NCAM2: variants seen among roughly 807,000 people sequenced by gnomAD.
NCAM2 encodes neural cell adhesion molecule 2, also known as N-CAM-2.
In NCAM2, 30 loss-of-function variants were observed where a neutral mutation model predicts 98.1. The ratio of observed to expected loss-of-function variants is 0.31; its 90% CI spans 0.23 to 0.41. The LOEUF is 0.41. Ranked by LOEUF, NCAM2 falls within the 10% of genes least tolerant of loss-of-function variation. NCAM2 has a pLI of 1.00. For missense variants in NCAM2, 867 were observed against 1,005.8 expected (o/e 0.86, Z 1.87); for synonymous variants, 368 against 342.4 (o/e 1.07, Z -0.83).
Position 21,197,679 on chromosome 21 carries a change from C to T in NCAM2, c.56-82899C>T, listed in dbSNP as rs535765826. 3.3e-5 allele frequency among the ~76,000 whole-genome samples: 5 copies of T among 152,218 alleles called. No individual in the cohort carries two copies. In the South Asian group the frequency reaches 8.3e-4, roughly 25 times the overall value. On this transcript the variant is annotated intron_variant, in intron 1 of 17. Coordinates refer to ENST00000400546, the MANE Select transcript of NCAM2 (RefSeq NM_004540.5). ...GGACTTTGCAAGGTCTAACACATATCGTTTCTGTGTTTTCTCTTATGAAGG... is the reference window on the plus strand; with the variant it reads ...GGACTTTGCAAGGTCTAACACATATTGTTTCTGTGTTTTCTCTTATGAAGG...
chr21:21,301,745 A>G (rs2073722030), intron 5 of NCAM2, among the ~76,000 whole-genome samples: 1 of 151,616 alleles, frequency 6.6e-6, no homozygotes, highest in Non-Finnish European at 1.5e-5. Flanking sequence ...ATAGTATTCC[A>G]TGGTGTAACA....
chr21:21,430,279 C>G (rs540984592), intron 11 of NCAM2, among the ~76,000 whole-genome samples: 1 of 151,610 alleles, frequency 6.6e-6, no homozygotes, highest in South Asian at 2.1e-4. Context: ...CCGCCCACCT[C>G]AGCTTCCAAA....
chr21:21,530,188 A>C (rs1473435521), intron 16 of NCAM2, among the ~76,000 whole-genome samples: 3 of 109,860 alleles, frequency 2.7e-5, no homozygotes, highest in African/African-American at 1.2e-4. Context: ...ATATGATTTA[A>C]TTTAATTTAA....
intron 8 of NCAM2, among the ~76,000 whole-genome samples, chr21:21,363,245 A>G (rs2075693712): frequency 6.6e-6 from 1 of 152,126 alleles, no homozygotes; most frequent in Non-Finnish European, 1.5e-5. Flanking sequence ...TATTGTGTGT[A>G]TTATAGAGAA....
chr21:21,258,541 A>G (rs1185492740), intron 1 of NCAM2, among the ~76,000 whole-genome samples: 1 of 152,110 alleles, frequency 6.6e-6, no homozygotes, highest in African/African-American at 2.4e-5. Flanking sequence ...CAACCTGCTG[A>G]CTGCCAATCT....
intron 1 of NCAM2, among the ~76,000 whole-genome samples, chr21:21,111,100 TCCAAA>T (rs1001558919): frequency 6.6e-6 from 1 of 152,122 alleles, no homozygotes; most frequent in African/African-American, 2.4e-5. Context: ...AAGATTATTC[TCCAAA>T]CCAAACAGTA....
chr21:21,541,240 T>C lies in NCAM2; in HGVS notation c.*3283T>C, dbSNP rs939198778. On this transcript the variant is annotated 3_prime_UTR_variant, in exon 18 of 18. Coordinates refer to ENST00000400546, the MANE Select transcript of NCAM2 (RefSeq NM_004540.5). The stretch of plus-strand genomic sequence containing the variant: ...CCTTTTAATTAGCATGACAGTCTGC[T>C]TTATTAAAAGAAAAAAACTACAATT... 3 of 151,664 alleles carry C rather than the reference T, an allele frequency of 2.0e-5. No homozygotes were observed. The highest frequency in any genetic ancestry group is 6.6e-5 in the Admixed American group (1 of 15,196). 9.4% of individuals were successfully genotyped at this position (151,664 alleles called of 1,614,324 possible). A position where few individuals can be genotyped will look rare whatever the true frequency, so the allele number is the denominator to read the frequency against.
At chr21:21,060,132 T>C (rs2146325369) in intron 1 of NCAM2, among the ~76,000 whole-genome samples, 1 of 152,242 alleles carries the variant, frequency 6.6e-6, no homozygotes, top group African/African-American at 2.4e-5. Context: ...ATAGCTATAC[T>C]TATCACAGTG....
chr21:21,536,252 C>T (rs530659710), intron 17 of NCAM2, among the ~76,000 whole-genome samples: 2 of 152,082 alleles, frequency 1.3e-5, no homozygotes, highest in South Asian at 2.1e-4. Flanking sequence ...TTGCTTTGAT[C>T]TGCAGAATGT....
intron 9 of NCAM2, among the ~76,000 whole-genome samples, chr21:21,387,187 TACACACACACACAC>T (rs61585220): frequency 4.3e-4 from 52 of 121,316 alleles, no homozygotes; most frequent in African/African-American, 1.5e-3. Context: ...CACACACACA[TACACACACACACAC>T]ACACACACAC....
intron 5 of NCAM2, among the ~76,000 whole-genome samples, chr21:21,299,952 C>T (rs998067515): frequency 1.3e-5 from 2 of 151,888 alleles, no homozygotes; most frequent in African/African-American, 4.8e-5. Flanking sequence ...TTTAAATCAG[C>T]TCTAGATTAG....
At chr21:21,049,517 C>G (rs561246681) in intron 1 of NCAM2, among the ~76,000 whole-genome samples, 5 of 151,820 alleles carry the variant, frequency 3.3e-5, no homozygotes, top group Admixed American at 3.3e-4. Flanking sequence ...GACTATCACA[C>G]TGACTACTTT....
intron 1 of NCAM2, among the ~76,000 whole-genome samples, chr21:21,144,776 A>G (rs2067238847): frequency 6.6e-6 from 1 of 152,166 alleles, no homozygotes; most frequent in Non-Finnish European, 1.5e-5. Flanking sequence ...AGATTTAACT[A>G]CAGACAAAGC....
intron 9 of NCAM2, among the ~76,000 whole-genome samples, chr21:21,383,236 G>T (rs2076197189): frequency 6.6e-6 from 1 of 152,086 alleles, no homozygotes; most frequent in Non-Finnish European, 1.5e-5. Flanking sequence ...CATCCTGTCA[G>T]CAGTGACTCA....
intron 1 of NCAM2, among the ~76,000 whole-genome samples, chr21:21,175,531 T>C (rs1359257022): frequency 6.6e-6 from 1 of 150,830 alleles, no homozygotes. Flanking sequence ...AGACTCCGTC[T>C]CAAAAAAAAT....
intron 10 of NCAM2, 63 bp downstream of exon 10, chr21:21,410,524 T>C (rs1000479522): frequency 5.6e-6 from 5 of 888,160 alleles, no homozygotes; most frequent in Non-Finnish European, 8.1e-6. Context: ...TATTTCAGAA[T>C]ATATTTAAAT....
chr21:21,418,009 A>G (rs1361110912), intron 10 of NCAM2, among the ~76,000 whole-genome samples: 2 of 152,076 alleles, frequency 1.3e-5, no homozygotes, highest in Non-Finnish European at 2.9e-5. Context: ...ATCTGAGGCC[A>G]AAACATAAAA....
chr21:21,299,609 C>T (rs1366705541), intron 5 of NCAM2, among the ~76,000 whole-genome samples: 1 of 147,794 alleles, frequency 6.8e-6, no homozygotes, highest in African/African-American at 2.5e-5. Flanking sequence ...CTCCCTCCCT[C>T]CCTTTTTAGC....
At chr21:21,498,779 T>G (rs1489107125) in intron 15 of NCAM2, among the ~76,000 whole-genome samples, 1 of 152,196 alleles carries the variant, frequency 6.6e-6, no homozygotes, top group Admixed American at 6.5e-5. Context: ...TAATTTTATG[T>G]TTTATTACAA....
Sources: allele counts gnomAD v4.1 joint callset (sites outside exome capture counted in the v4.1 genomes callset), GRCh38; gene constraint gnomAD v4.1.1; transcripts MANE v1.5; gene names NCBI Gene and HGNC (gene_info 2026-07-23, HGNC 2026-07-21).